Variants in PRRC2B observed in about 807,000 individuals in gnomAD.
PRRC2B encodes proline rich coiled-coil 2B.
In PRRC2B, 68 loss-of-function variants were observed where a neutral mutation model predicts 242.3. The ratio of observed to expected loss-of-function variants is 0.28; its 90% CI spans 0.23 to 0.34. PRRC2B has a LOEUF of 0.34. PRRC2B is among the 10% of genes least tolerant of loss of function. The probability of loss-of-function intolerance (pLI) is 1.00; values close to 1 mark genes in which losing one functional copy is unlikely to be tolerated. For synonymous variants in PRRC2B, 1,228 were observed against 1,173.6 expected (o/e 1.05, Z -0.95); for missense variants, 2,835 against 2,954.8 (o/e 0.96, Z 0.94).
intron 1 of PRRC2B, among the ~76,000 whole-genome samples, chr9:131,424,040 G>A (rs1337264919): frequency 1.3e-5 from 2 of 152,028 alleles, no homozygotes; most frequent in African/African-American, 2.4e-5. Context: ...GGCTCAAGCA[G>A]TTGTCCTGCC....
intron 9 of PRRC2B, among the ~76,000 whole-genome samples, chr9:131,448,605 T>A (rs1012549565): frequency 6.9e-6 from 1 of 144,044 alleles, no homozygotes; most frequent in Non-Finnish European, 1.5e-5. Flanking sequence ...TTTCCCATTC[T>A]GGAGTGGAGT....
chr9:131,396,984 C>A (rs538622768), intron 1 of PRRC2B, among the ~76,000 whole-genome samples: 1 of 152,252 alleles, frequency 6.6e-6, no homozygotes, highest in East Asian at 1.9e-4. Context: ...TTGGCATTCC[C>A]GCAACCATCT....
In PRRC2B at chr9:131,475,594, C is replaced by G. The variant is rs368251142; in HGVS notation, c.3465C>G (p.Asn1155Lys). 5.0e-6 allele frequency: 8 copies of G among 1,612,632 alleles called. No homozygotes were observed. Among genetic ancestry groups the G allele is most frequent in the East Asian group, 2.2e-5 (1 of 44,878 alleles). ...PKRRRQRGSE[N>K]GNEGSLLERE... is the part of the protein sequence containing the mutation. The stretch of plus-strand genomic sequence containing the variant: ...GCCGCCGGCAGAGGGGCTCCGAGAA[C>G]GGGAATGAAGGCTCGCTCCTGGAGA... Residue 1155 changes from asparagine to lysine, a missense_variant, in exon 16 of 32, where the codon AAC (asparagine) becomes AAG (lysine). Asn to Lys is a moderately conservative substitution (Grantham distance 94). Coordinates refer to ENST00000683519, the MANE Select transcript of PRRC2B (RefSeq NM_013318.4).
rs754661321 is a variant in PRRC2B at position 131,448,543 on chromosome 9, C to CAAAAAAAAAAAAAAAAAA, written c.1120+749_1120+766dup. On this transcript the variant is annotated intron_variant, in intron 9 of 31. Coordinates refer to ENST00000683519, the MANE Select transcript of PRRC2B (RefSeq NM_013318.4). ...TGGGCGACAGAGGGAGACACTGTCT[C>CAAAAAAAAAAAAAAAAAA]AAAAAAAAAAAAAAAAAAAAAAAAA... Among the ~76,000 whole-genome samples, 357 of 39,878 alleles carry CAAAAAAAAAAAAAAAAAA rather than the reference C, an allele frequency of 9.0e-3. 119 individuals carry two copies. Among genetic ancestry groups the CAAAAAAAAAAAAAAAAAA allele is most frequent in the East Asian group, 0.028 (47 of 1,674 alleles). The allele number at this position is 39,878 out of a possible 152,430, so 26.2% of individuals were successfully genotyped here.
intron 1 of PRRC2B, among the ~76,000 whole-genome samples, chr9:131,401,994 A>G (rs999826533): frequency 6.6e-6 from 1 of 151,080 alleles, no homozygotes; most frequent in African/African-American, 2.4e-5. Flanking sequence ...TTTTTGAGAC[A>G]GAGTCTCGTT....
intron 1 of PRRC2B, among the ~76,000 whole-genome samples, chr9:131,414,744 A>G (rs113431650): frequency 0.096 from 14,560 of 151,642 alleles, 847 homozygotes; most frequent in Non-Finnish European, 0.13. Context: ...TGATTTTTGT[A>G]TTTTTAGTAG....
chr9:131,487,203 A>G lies in PRRC2B; in HGVS notation c.5893A>G (p.Thr1965Ala), dbSNP rs1944049141. 6.2e-7 allele frequency: 1 copy of G among 1,613,674 alleles called. No homozygotes were observed. The part of the protein sequence containing the change: ...AAQQIPISLH[T>A]SLQAQAQLGL... ...CCAGCAGATCCCGATCTCCCTTCAC[A>G]CATCTCTGCAGGCACAAGCTCAGCT... Residue 1965 changes from threonine (T) to alanine (A), a missense_variant, in exon 27 of 32, where the codon ACA (threonine) becomes GCA (alanine). Thr to Ala is a moderately conservative substitution (Grantham distance 58). Transcript: ENST00000683519. The surrounding 1 kb of genome is among the most constrained non-coding windows in gnomAD (Gnocchi z 5.3).
In PRRC2B at chr9:131,490,904, C is replaced by T. The variant is rs76851644; in HGVS notation, c.6226-521C>T. ...CGTCCTCTCCTTGCCCACCCCGCCCCGTGTGCACCCATAAATCTGGTGTGC... is the reference window on the plus strand; with the variant it reads ...CGTCCTCTCCTTGCCCACCCCGCCCTGTGTGCACCCATAAATCTGGTGTGC... On this transcript the variant is annotated intron_variant, in intron 28 of 31. Transcript: ENST00000683519. 1.7e-3 allele frequency: 540 copies of T among 309,926 alleles called. 2 individuals are homozygous for T. The East Asian group carries it at 0.018, about 10-fold the overall frequency. 19.2% of individuals were successfully genotyped at this position (309,926 alleles called of 1,614,324 possible).
chr9:131,496,628 G>GGC lies in PRRC2B; in HGVS notation c.*755_*756insCG, dbSNP rs1944342859. ...TCAGAGCAGCAGGCAGGTTGGGGGA[G>GGC]GGGGGGGGTCATAGTTGGGTTCCAG... On this transcript the variant is annotated 3_prime_UTR_variant, in exon 32 of 32. Transcript: ENST00000683519. 1.3e-5 allele frequency: 1 copy of GGC among 75,588 alleles called. No individual in the cohort carries two copies. Among genetic ancestry groups the GGC allele is most frequent in the Non-Finnish European group, 3.0e-5 (1 of 33,640 alleles). The allele number at this position is 75,588 out of a possible 1,614,324, so 4.7% of individuals were successfully genotyped here.
intron 3 of PRRC2B, among the ~76,000 whole-genome samples, chr9:131,435,314 A>G (rs539111586): frequency 6.8e-6 from 1 of 147,078 alleles, no homozygotes; most frequent in South Asian, 2.2e-4. Flanking sequence ...AAAGAAAAGA[A>G]AAAAAAGTTC....
chr9:131,401,912 C>T (rs1270855345), intron 1 of PRRC2B, among the ~76,000 whole-genome samples: 9 of 151,806 alleles, frequency 5.9e-5, no homozygotes, highest in Admixed American at 2.6e-4. Context: ...CTGCCCACCT[C>T]GACTTCCCAA....
intron 1 of PRRC2B, among the ~76,000 whole-genome samples, chr9:131,395,150 C>T (rs1034544664): frequency 1.3e-5 from 2 of 151,742 alleles, no homozygotes; most frequent in Non-Finnish European, 2.9e-5. Context: ...GAGGTGTTTT[C>T]AGTGGTGAGC....
At chr9:131,469,205 A>G (rs1943474595) in intron 13 of PRRC2B, among the ~76,000 whole-genome samples, 1 of 152,086 alleles carries the variant, frequency 6.6e-6, no homozygotes, top group Admixed American at 6.5e-5. Flanking sequence ...GTGGTGCCGC[A>G]CACCTGTAAT....
chr9:131,413,712 C>T (rs532409067), intron 1 of PRRC2B, among the ~76,000 whole-genome samples: 19 of 151,790 alleles, frequency 1.3e-4, no homozygotes, highest in Non-Finnish European at 2.2e-4. Flanking sequence ...GCTCTTGTTG[C>T]CTAGGCTGGA....
At chr9:131,393,042 A>G (rs898127719), upstream of PRRC2B, among the ~76,000 whole-genome samples, 1 of 152,170 alleles carries the variant, frequency 6.6e-6, no homozygotes, top group Non-Finnish European at 1.5e-5. Flanking sequence ...CTCCCCAAAA[A>G]CTAAGCTTTG....
intron 8 of PRRC2B, 52 bp downstream of exon 8, chr9:131,447,258 T>G: frequency 6.2e-7 from 1 of 1,604,978 alleles, no homozygotes; most frequent in South Asian, 1.1e-5. Flanking sequence ...CGGTGGTGAT[T>G]CTGGTCAAGA....
In PRRC2B at chr9:131,474,813, C is replaced by T. The variant is rs370000384; in HGVS notation, c.2684C>T (p.Thr895Met). 4.3e-6 allele frequency: 7 copies of T among 1,612,250 alleles called. No individual in the cohort carries two copies. The highest frequency in any genetic ancestry group is 2.2e-5 in the East Asian group (1 of 44,852). Residue 895 changes from threonine (T) to methionine (M), a missense_variant, in exon 16 of 32, where the codon ACG (threonine) becomes ATG (methionine). By Grantham distance (81) the Thr-to-Met change is moderately conservative. Around this residue, in one of 7 missense-constraint regions of PRRC2B, gnomAD observed 1,536 missense variants for 1,483.1 expected, o/e 1.04. Transcript: ENST00000683519. ...GVERETPREG[T>M]AFNISSWDKN... ...GAGCGGGAGACACCCCGGGAGGGGA[C>T]GGCCTTTAACATCTCCTCCTGGGAC...
Position 131,487,317 on chromosome 9 carries a change from G to A in PRRC2B, c.5984+23G>A, listed in dbSNP as rs777973684. On this transcript the variant is annotated intron_variant, in intron 27 of 31. Transcript: ENST00000683519. This position sits in a 1 kb window ranked among gnomAD's most constrained non-coding sequence, Gnocchi z 5.3. ...CAGGTGAGCTCATGTACCAGCTTGC[G>A]GAGCTGGCAGCTCACAGCCAGGGCC... The A allele has an allele frequency of 1.9e-5, 30 of 1,570,790 alleles. No homozygotes were observed. The highest frequency in any genetic ancestry group is 4.1e-5 in the African/African-American group (3 of 73,966).
chr9:131,479,136 C>T, intron 18 of PRRC2B, 116 bp from the exon 19 acceptor site: 3 of 1,053,134 alleles, frequency 2.8e-6, no homozygotes, highest in Non-Finnish European at 4.2e-6. Flanking sequence ...GCGTTCCACA[C>T]ATCTCTGGAG....
Sources: allele counts gnomAD v4.1 joint callset (sites outside exome capture counted in the v4.1 genomes callset), GRCh38; gene constraint gnomAD v4.1.1; regional missense constraint gnomAD v4.1.1; non-coding constraint Gnocchi (gnomAD v3.1); transcripts MANE v1.5; gene names NCBI Gene and HGNC (gene_info 2026-07-23, HGNC 2026-07-21).